NBEA: variants seen among roughly 807,000 people sequenced by gnomAD.
NBEA encodes neurobeachin.
Under a neutral mutation model 343.4 loss-of-function variants are expected in NBEA, and 44 were observed. The ratio of observed to expected loss-of-function variants is 0.13; its 90% CI spans 0.10 to 0.16. The LOEUF is 0.16. Ranked by LOEUF, NBEA falls within the 10% of genes least tolerant of loss-of-function variation. The probability of loss-of-function intolerance (pLI) is 1.00; values close to 1 mark genes in which losing one functional copy is unlikely to be tolerated. For synonymous variants in NBEA, 1,175 were observed against 1,238.7 expected, an observed-to-expected ratio of 0.95 and a Z score of 1.08; for missense variants, 2,555 against 3,631.3, an observed-to-expected ratio of 0.70 and a Z score of 7.62.
chr13:35,109,050 CTTGAA>C (rs1437374114), intron 11 of NBEA, among the ~76,000 whole-genome samples: 5 of 151,988 alleles, frequency 3.3e-5, no homozygotes, highest in Non-Finnish European at 7.4e-5. Context: ...AATTATTTAA[CTTGAA>C]TTATTTATCT....
At chr13:35,098,065 TAC>T (rs1261516376) in intron 10 of NBEA, among the ~76,000 whole-genome samples, 4 of 152,254 alleles carry the variant, frequency 2.6e-5, no homozygotes, top group Non-Finnish European at 4.4e-5. Context: ...GTAAAAAAAC[TAC>T]ACAGTTATGA....
chr13:35,361,223 G>A (rs2040788386), intron 38 of NBEA, among the ~76,000 whole-genome samples: 1 of 151,966 alleles, frequency 6.6e-6, no homozygotes, highest in Non-Finnish European at 1.5e-5. Context: ...TCAGCATTCA[G>A]CAAAAATATT....
At position 35,575,447 on chromosome 13, in the gene NBEA, G is replaced by A. The variant is rs187695114; in HGVS notation, c.7035+8430G>A. Among the ~76,000 whole-genome samples the A allele has an allele frequency of 5.6e-3, 855 of 152,168 alleles. 10 individuals carry two copies. The highest frequency in any genetic ancestry group is 0.019 in the African/African-American group (790 of 41,530). On this transcript the variant is annotated intron_variant, in intron 45 of 58. Coordinates refer to ENST00000379939, the MANE Select transcript of NBEA (RefSeq NM_001385012.1). The stretch of plus-strand genomic sequence containing the variant: ...TGGATTGATTGGAAAGGTTTTGTTT[G>A]TTTTTGTACTCTATTTTAATTGATT...
intron 38 of NBEA, among the ~76,000 whole-genome samples, chr13:35,419,483 A>C (rs1389496721): frequency 6.6e-6 from 1 of 152,056 alleles, no homozygotes; most frequent in Non-Finnish European, 1.5e-5. Context: ...TCAACATATG[A>C]ATTTTGGACA....
At chr13:35,028,696 A>G (rs1028623381) in intron 1 of NBEA, among the ~76,000 whole-genome samples, 1 of 151,782 alleles carries the variant, frequency 6.6e-6, no homozygotes, top group Non-Finnish European at 1.5e-5. Context: ...CAGTGGTTGT[A>G]CAACTGTCAA....
At chr13:35,534,857 A>G (rs1364226116) in intron 41 of NBEA, among the ~76,000 whole-genome samples, 4 of 152,212 alleles carry the variant, frequency 2.6e-5, no homozygotes, top group South Asian at 2.1e-4. Context: ...TGTTATGCCA[A>G]CAGGCTTTGC....
chr13:35,383,810 T>G (rs17758660), intron 38 of NBEA, among the ~76,000 whole-genome samples: 4,496 of 152,242 alleles, frequency 0.03, 100 homozygotes, highest in Non-Finnish European at 0.045. Context: ...GGTAAAATTT[T>G]TATCAGTATT....
intron 34 of NBEA, among the ~76,000 whole-genome samples, chr13:35,234,759 T>C (rs2075144786): frequency 6.6e-6 from 1 of 152,198 alleles, no homozygotes; most frequent in African/African-American, 2.4e-5. Context: ...AACCCAGTCT[T>C]CTGAATTCCA....
intron 45 of NBEA, among the ~76,000 whole-genome samples, chr13:35,574,240 T>G (rs1593260406): frequency 6.6e-6 from 1 of 151,728 alleles, no homozygotes; most frequent in South Asian, 2.1e-4. Context: ...TAGATTGCAT[T>G]TTCTTCCATT....
chr13:35,671,675 AT>A lies in NBEA; in HGVS notation c.*685del, dbSNP rs546022531. ...ACCAAAATATAGTTTGCACTTTTTA[AT>A]CTAAAGTCATCCCTTCTGAGTGAAA... On this transcript the variant is annotated 3_prime_UTR_variant, in exon 59 of 59. Transcript: ENST00000379939. 3.1e-3 allele frequency: 476 copies of A among 152,770 alleles called. 2 individuals carry two copies. The highest frequency in any genetic ancestry group is 2.9e-3 in the Non-Finnish European group (198 of 68,042). The allele number at this position is 152,770 out of a possible 1,614,324, so 9.5% of individuals were successfully genotyped here. A position where few individuals can be genotyped will look rare whatever the true frequency, so the allele number is the denominator to read the frequency against.
At chr13:35,506,332 G>A (rs1393862527) in intron 41 of NBEA, among the ~76,000 whole-genome samples, 1 of 152,164 alleles carries the variant, frequency 6.6e-6, no homozygotes, top group African/African-American at 2.4e-5. Flanking sequence ...GCCTCTCATA[G>A]AACTGAGATT....
chr13:35,579,605 T>C (rs1346901338), intron 45 of NBEA, among the ~76,000 whole-genome samples: 1 of 152,086 alleles, frequency 6.6e-6, no homozygotes, highest in African/African-American at 2.4e-5. Flanking sequence ...ATCTAAGGTA[T>C]TGCATCTAAA....
In NBEA at chr13:35,394,384, GA is replaced by G. The variant is rs569829155; in HGVS notation, c.6180-37884del. Among the ~76,000 whole-genome samples, 315 of 152,016 alleles carry G rather than the reference GA, an allele frequency of 2.1e-3. 2 individuals are homozygous for G. Among genetic ancestry groups the G allele is most frequent in the African/African-American group, 6.8e-3 (283 of 41,466 alleles). ...CTTTTTTCCTCCCTTTTTGGTGTTAGAGTAGAGCTTCAAGTATATATGTGAT... is the reference window on the plus strand; with the variant it reads ...CTTTTTTCCTCCCTTTTTGGTGTTAGGTAGAGCTTCAAGTATATATGTGAT... On this transcript the variant is annotated intron_variant, in intron 38 of 58. Coordinates refer to ENST00000379939, the MANE Select transcript of NBEA (RefSeq NM_001385012.1).
At chr13:35,456,054 T>C (rs1393361520) in intron 40 of NBEA, among the ~76,000 whole-genome samples, 1 of 152,062 alleles carries the variant, frequency 6.6e-6, no homozygotes, top group Non-Finnish European at 1.5e-5. Flanking sequence ...ATTTTAGTTT[T>C]GCTTATAGAT....
At chr13:35,661,811 A>G (rs1246137151) in intron 55 of NBEA, among the ~76,000 whole-genome samples, 2 of 152,236 alleles carry the variant, frequency 1.3e-5, no homozygotes, top group East Asian at 1.9e-4. Context: ...TTATCTAAGT[A>G]TAAACATGAA....
intron 6 of NBEA, among the ~76,000 whole-genome samples, chr13:35,050,791 A>C (rs1320602071): frequency 6.6e-6 from 1 of 151,984 alleles, no homozygotes. Flanking sequence ...GTGGGAGATT[A>C]ACCTAATCCT....
At position 35,267,991 on chromosome 13, in the gene NBEA, A is replaced by G. The variant is rs559500909; in HGVS notation, c.5777-22398A>G. 3.9e-5 allele frequency among the ~76,000 whole-genome samples: 6 copies of G among 152,152 alleles called. No homozygotes were observed. The South Asian group carries it at 8.3e-4, about 21-fold the overall frequency. On this transcript the variant is annotated intron_variant, in intron 34 of 58. Transcript: ENST00000379939. The stretch of plus-strand genomic sequence containing the variant: ...AAATATAATTACCATGTCACCTAGC[A>G]ATTTGACTTCTGGGTACATACCCAA...
At chr13:35,430,650 T>G (rs2045041948) in intron 38 of NBEA, among the ~76,000 whole-genome samples, 1 of 152,156 alleles carries the variant, frequency 6.6e-6, no homozygotes, top group South Asian at 2.1e-4. Flanking sequence ...TACAGAAGAA[T>G]AGGGAAGAGT....
chr13:35,554,604 A>G (rs1183275682), intron 43 of NBEA, among the ~76,000 whole-genome samples: 3 of 152,258 alleles, frequency 2.0e-5, no homozygotes, highest in Admixed American at 1.3e-4. Flanking sequence ...AGTCAAATGC[A>G]TGTAAACAGG....
Sources: gnomAD v4.1 joint callset for allele counts (sites outside exome capture counted in the v4.1 genomes callset) on GRCh38, gnomAD v4.1.1 for gene constraint, MANE v1.5 for transcripts, NCBI Gene and HGNC (gene_info 2026-07-23, HGNC 2026-07-21) for gene names.